ZCCHC14: variants seen among roughly 807,000 people sequenced by gnomAD.
ZCCHC14 encodes zinc finger CCHC domain-containing protein 14.
Under a neutral mutation model 85.0 loss-of-function variants are expected in ZCCHC14, and 16 were observed. That is an observed-to-expected ratio of 0.19 (90% CI 0.13 to 0.29). ZCCHC14 has a LOEUF of 0.29. Among genes scored for constraint, ZCCHC14 ranks in the 10% least tolerant of loss-of-function variants. The pLI is 1.00. For synonymous variants in ZCCHC14, 775 were observed against 630.7 expected, an observed-to-expected ratio of 1.23 and a Z score of -3.43; for missense variants, 1,303 against 1,443.5, an observed-to-expected ratio of 0.90 and a Z score of 1.58.
At chr16:87,461,491 T>G (rs1040098744) in intron 1 of ZCCHC14, among the ~76,000 whole-genome samples, 1 of 152,190 alleles carries the variant, frequency 6.6e-6, no homozygotes, top group African/African-American at 2.4e-5. Context: ...GCATTCACAG[T>G]ATGGGAAAGT....
chr16:87,419,269 C>A (rs551585053), intron 6 of ZCCHC14, among the ~76,000 whole-genome samples: 1 of 150,982 alleles, frequency 6.6e-6, no homozygotes, highest in Non-Finnish European at 1.5e-5. Flanking sequence ...GCTGGGATTA[C>A]AGGAGCCTGC....
intron 2 of ZCCHC14, among the ~76,000 whole-genome samples, chr16:87,441,182 C>A (rs902633283): frequency 1.3e-5 from 2 of 151,926 alleles, no homozygotes; most frequent in African/African-American, 4.8e-5. Flanking sequence ...TTAGTAGACA[C>A]TGGGTTTCAC....
chr16:87,436,442 A>C (rs1467364538), intron 2 of ZCCHC14, among the ~76,000 whole-genome samples: 1 of 152,262 alleles, frequency 6.6e-6, no homozygotes, highest in Non-Finnish European at 1.5e-5. Context: ...GAGAGAGGGA[A>C]GACCAGGCAC....
Position 87,413,104 on chromosome 16 carries a change from C to T in ZCCHC14, c.1695G>A (p.Gly565=), listed in dbSNP as rs1449827925. The T allele has an allele frequency of 6.2e-7, 1 of 1,614,044 alleles. No homozygotes were observed. The highest frequency in any genetic ancestry group is 1.7e-5 in the Admixed American group (1 of 60,004). ...CGGAGCTCTCTTCCCGGGCCTGTACCCCCATGGGGCTGGAGGAGGAGCTGG... is the reference window on the plus strand; with the variant it reads ...CGGAGCTCTCTTCCCGGGCCTGTACTCCCATGGGGCTGGAGGAGGAGCTGG... ...EYSSSSSSPM[G]VQAREESSDS... is the part of the protein sequence containing the mutation. Residue 565 remains glycine, a synonymous_variant, in exon 11 of 13, where the codon GGG becomes GGA. Transcript: ENST00000671377.
chr16:87,434,157 A>G (rs1909798508), intron 2 of ZCCHC14, among the ~76,000 whole-genome samples: 1 of 152,218 alleles, frequency 6.6e-6, no homozygotes, highest in Admixed American at 6.5e-5. Context: ...TTTTCCACGT[A>G]CACTGGTGCG....
At chr16:87,465,243 C>T (rs1911465033) in intron 1 of ZCCHC14, among the ~76,000 whole-genome samples, 1 of 152,248 alleles carries the variant, frequency 6.6e-6, no homozygotes, top group Admixed American at 6.5e-5. Flanking sequence ...TTGTTCACTG[C>T]TGTTCCTTTG....
rs933298786 is a variant in ZCCHC14 at position 87,407,669 on chromosome 16, C to T, written c.*2611G>A. 3 of 152,220 alleles carry T rather than the reference C, an allele frequency of 2.0e-5. No individual in the cohort carries two copies. The highest frequency in any genetic ancestry group is 7.2e-5 in the African/African-American group (3 of 41,456). The allele number at this position is 152,220 out of a possible 1,614,324, so 9.4% of individuals were successfully genotyped here. A position where few individuals can be genotyped will look rare whatever the true frequency, so the allele number is the denominator to read the frequency against. On this transcript the variant is annotated 3_prime_UTR_variant, in exon 13 of 13. Transcript: ENST00000671377. ...CAAAGACGTGGCACATGGCCAGTGC[C>T]ACACCTACCTGGTTGCCACAGCATT...
intron 2 of ZCCHC14, among the ~76,000 whole-genome samples, chr16:87,440,035 G>T (rs1371406942): frequency 6.6e-6 from 1 of 152,120 alleles, no homozygotes; most frequent in Admixed American, 6.6e-5. Flanking sequence ...TCGAACTCCA[G>T]GGCTCCAGCA....
In ZCCHC14 at chr16:87,411,506, G is replaced by A. The variant is rs901734559; in HGVS notation, c.3205+10C>T. On this transcript the variant is annotated intron_variant, in intron 12 of 12. Coordinates refer to ENST00000671377, the MANE Select transcript of ZCCHC14 (RefSeq NM_015144.3). ...GGAGCCTGGTGGGCGCGGCCATGGC[G>A]CGCGCTTACCTGGCCGGTTGAAGTC... 8.1e-6 allele frequency: 13 copies of A among 1,613,074 alleles called. No individual in the cohort carries two copies. In the Admixed American group the frequency reaches 8.3e-5, roughly 10 times the overall value.
At chr16:87,437,093 T>G (rs1377196741) in intron 2 of ZCCHC14, among the ~76,000 whole-genome samples, 1 of 151,674 alleles carries the variant, frequency 6.6e-6, no homozygotes, top group Non-Finnish European at 1.5e-5. Context: ...TCCCAGCACT[T>G]TGGGAGGCTG....
intron 1 of ZCCHC14, among the ~76,000 whole-genome samples, chr16:87,484,912 G>A (rs1212971724): frequency 6.6e-6 from 1 of 152,154 alleles, no homozygotes; most frequent in Non-Finnish European, 1.5e-5. Flanking sequence ...AAGTTCAAAC[G>A]CTGACCTACA....
chr16:87,469,088 G>C (rs1469828166), intron 1 of ZCCHC14, among the ~76,000 whole-genome samples: 2 of 152,156 alleles, frequency 1.3e-5, no homozygotes, highest in Non-Finnish European at 2.9e-5. Context: ...TAGCATTTTT[G>C]TCTGTTTTTT....
intron 1 of ZCCHC14, among the ~76,000 whole-genome samples, chr16:87,464,582 A>C (rs1382075677): frequency 6.6e-6 from 1 of 152,188 alleles, no homozygotes; most frequent in Non-Finnish European, 1.5e-5. Flanking sequence ...ACCCTAGCAA[A>C]ACACACACTG....
intron 2 of ZCCHC14, among the ~76,000 whole-genome samples, chr16:87,440,143 C>T (rs971346365): frequency 2.0e-5 from 3 of 151,958 alleles, no homozygotes; most frequent in African/African-American, 4.8e-5. Flanking sequence ...GAAATGCATG[C>T]GACAGTATGC....
chr16:87,436,674 A>G (rs1173162884), intron 2 of ZCCHC14, among the ~76,000 whole-genome samples: 1 of 152,244 alleles, frequency 6.6e-6, no homozygotes, highest in East Asian at 1.9e-4. Flanking sequence ...CATGGCACAC[A>G]TTTACCTATG....
intron 1 of ZCCHC14, among the ~76,000 whole-genome samples, chr16:87,462,589 A>G (rs1911317854): frequency 6.6e-6 from 1 of 151,636 alleles, no homozygotes; most frequent in Admixed American, 6.6e-5. Context: ...AAATACAAAA[A>G]ATTAGCCAGG....
intron 3 of ZCCHC14, among the ~76,000 whole-genome samples, chr16:87,432,204 C>T (rs1397149390): frequency 1.3e-5 from 2 of 152,108 alleles, no homozygotes; most frequent in African/African-American, 2.4e-5. Flanking sequence ...AGTCAGCACT[C>T]GATGCACATG....
intron 2 of ZCCHC14, among the ~76,000 whole-genome samples, chr16:87,446,100 G>C (rs975435539): frequency 1.3e-5 from 2 of 150,768 alleles, no homozygotes; most frequent in African/African-American, 4.9e-5. Context: ...CCGGGAGGCA[G>C]AGGTTGTAGT....
Position 87,492,664 on chromosome 16 carries a change from G to C in ZCCHC14, c.-426C>G, listed in dbSNP as rs2150783947. 1 of 145,952 alleles carries C rather than the reference G, an allele frequency of 6.9e-6. No individual in the cohort carries two copies. The allele number at this position is 145,952 out of a possible 1,614,324, so 9.0% of individuals were successfully genotyped here. A position where few individuals can be genotyped will look rare whatever the true frequency, so the allele number is the denominator to read the frequency against. ...CATCTCCCCCCGCGCCGCAGGGTCT[G>C]TCACTGCGGGCCGCCCCCCGACGGA... is the stretch of plus-strand genomic sequence containing the variant. On this transcript the variant is annotated 5_prime_UTR_variant, in exon 1 of 13. Coordinates refer to ENST00000671377, the MANE Select transcript of ZCCHC14 (RefSeq NM_015144.3). The surrounding 1 kb of genome is among the most constrained non-coding windows in gnomAD (Gnocchi z 6.7).
Sources: allele counts gnomAD v4.1 joint callset (sites outside exome capture counted in the v4.1 genomes callset), GRCh38; gene constraint gnomAD v4.1.1; non-coding constraint Gnocchi (gnomAD v3.1); transcripts MANE v1.5; gene names NCBI Gene and HGNC (gene_info 2026-07-23, HGNC 2026-07-21).